Variants in SYN2 observed in about 807,000 individuals in gnomAD.
SYN2 encodes synapsin II.
In SYN2, 19 loss-of-function variants were observed where a neutral mutation model predicts 50.9. The observed-to-expected ratio is 0.37, with a 90% confidence interval of 0.26 to 0.55. SYN2 has a LOEUF of 0.55. Ranked by LOEUF, SYN2 falls within the 20% of genes least tolerant of loss-of-function variation. SYN2 has a pLI of 0.81. For synonymous variants in SYN2, 255 were observed against 224.9 expected, an observed-to-expected ratio of 1.13 and a Z score of -1.20; for missense variants, 587 against 576.4, an observed-to-expected ratio of 1.02 and a Z score of -0.19.
chr3:12,106,972 A>G lies in SYN2; in HGVS notation c.378-33679A>G, dbSNP rs112253409. ...AAAGAAAGGATCACTAGACTAGGAGATAAAAGTTGGATTCAGATCTTGGCA... is the reference window on the plus strand; with the variant it reads ...AAAGAAAGGATCACTAGACTAGGAGGTAAAAGTTGGATTCAGATCTTGGCA... On this transcript the variant is annotated intron_variant, in intron 1 of 12. Coordinates refer to ENST00000621198, the MANE Select transcript of SYN2 (RefSeq NM_133625.6). Among the ~76,000 whole-genome samples, 1,364 of 151,576 alleles carry G rather than the reference A, an allele frequency of 9.0e-3. 11 individuals carry two copies. The highest frequency in any genetic ancestry group is 0.012 in the Non-Finnish European group (832 of 67,922).
chr3:12,115,923 T>C (rs944982816), intron 1 of SYN2, among the ~76,000 whole-genome samples: 3 of 152,112 alleles, frequency 2.0e-5, no homozygotes, highest in Non-Finnish European at 4.4e-5. Context: ...ATATAATAGG[T>C]TTTCAAAAAT....
chr3:12,180,641 A>G (rs1161971840), intron 10 of SYN2, among the ~76,000 whole-genome samples: 2 of 152,138 alleles, frequency 1.3e-5, no homozygotes, highest in Non-Finnish European at 2.9e-5. Context: ...GCCCCTGAGA[A>G]GTCTTCCATA....
chr3:12,015,617 A>G (rs1050307725), intron 1 of SYN2, among the ~76,000 whole-genome samples: 1 of 152,198 alleles, frequency 6.6e-6, no homozygotes, highest in Non-Finnish European at 1.5e-5. Flanking sequence ...TTGTTACTGG[A>G]TTAGAATTTC....
intron 1 of SYN2, among the ~76,000 whole-genome samples, chr3:12,085,038 C>T (rs1695662379): frequency 6.6e-6 from 1 of 151,270 alleles, no homozygotes; most frequent in African/African-American, 2.4e-5. Context: ...AAGTCCTTAC[C>T]TAATAATAAT....
chr3:12,051,738 A>G (rs893065633), intron 1 of SYN2, among the ~76,000 whole-genome samples: 16 of 152,208 alleles, frequency 1.1e-4, no homozygotes, highest in African/African-American at 3.9e-4. Context: ...ACCAGAGGAA[A>G]TATTCCTTAA....
At chr3:12,042,970 T>C (rs1160650967) in intron 1 of SYN2, among the ~76,000 whole-genome samples, 4 of 151,836 alleles carry the variant, frequency 2.6e-5, no homozygotes, top group African/African-American at 9.7e-5. Flanking sequence ...GACTTCTGGC[T>C]TCTAAAACCG....
At position 12,141,936 on chromosome 3, in the gene SYN2, A is replaced by C; in HGVS notation, c.467A>C (p.His156Pro). Residue 156 changes from histidine (H) to proline (P), a missense_variant, in exon 3 of 13, where the codon CAT (histidine) becomes CCT (proline). By Grantham distance (77) the His-to-Pro change is moderately conservative (BLOSUM62 -2). Transcript: ENST00000621198. ...AEFSELNLVA[H>P]ADGTYAVDMQ... ...TTTTCAGAGCTCAACCTGGTGGCCC[A>C]TGCAGATGGCACCTATGCTGTGGAT... is the stretch of plus-strand genomic sequence containing the variant. The C allele has an allele frequency of 1.3e-6, 1 of 780,860 alleles. No individual in the cohort carries two copies. Among genetic ancestry groups the C allele is most frequent in the Non-Finnish European group, 2.4e-6 (1 of 417,950 alleles). 48.4% of individuals were successfully genotyped at this position (780,860 alleles called of 1,614,324 possible).
intron 1 of SYN2, among the ~76,000 whole-genome samples, chr3:12,099,281 A>G (rs1349435103): frequency 6.6e-6 from 1 of 152,204 alleles, no homozygotes; most frequent in East Asian, 1.9e-4. Context: ...GGCACATGGA[A>G]CATTCTTTAA....
intron 1 of SYN2, among the ~76,000 whole-genome samples, chr3:12,117,790 A>G (rs2125199812): frequency 6.6e-6 from 1 of 152,318 alleles, no homozygotes; most frequent in South Asian, 2.1e-4. Flanking sequence ...CCTGCCCTGA[A>G]GTTGGCAGCA....
intron 1 of SYN2, among the ~76,000 whole-genome samples, chr3:12,039,241 G>C (rs1345000337): frequency 6.6e-6 from 1 of 151,994 alleles, no homozygotes; most frequent in Non-Finnish European, 1.5e-5. Flanking sequence ...TGTATTCCTG[G>C]AATAAATCTC....
At chr3:12,077,942 G>A (rs1047766225) in intron 1 of SYN2, among the ~76,000 whole-genome samples, 1 of 152,166 alleles carries the variant, frequency 6.6e-6, no homozygotes, top group Non-Finnish European at 1.5e-5. Context: ...CACCAACAGT[G>A]TAAAAGTGTT....
rs543264854 is a variant in SYN2 at position 12,007,933 on chromosome 3, C to A, written c.377+3005C>A. Among the ~76,000 whole-genome samples, 5 of 152,178 alleles carry A rather than the reference C, an allele frequency of 3.3e-5. No individual in the cohort carries two copies. The East Asian group carries it at 5.8e-4, about 18-fold the overall frequency. On this transcript the variant is annotated intron_variant, in intron 1 of 12. Coordinates refer to ENST00000621198, the MANE Select transcript of SYN2 (RefSeq NM_133625.6). Reference sequence around the variant, plus strand: ...TTAGATTAATCGCACACTAAAAGATCGTTGAAAAATTTATCTGTGCCATTA... The same window carrying A: ...TTAGATTAATCGCACACTAAAAGATAGTTGAAAAATTTATCTGTGCCATTA...
intron 1 of SYN2, chr3:12,071,171 G>A (rs1405453730): frequency 3.6e-6 from 2 of 551,736 alleles, no homozygotes; most frequent in Non-Finnish European, 7.3e-6. Flanking sequence ...ATCACCAACA[G>A]GATGCAGAAG....
intron 1 of SYN2, among the ~76,000 whole-genome samples, chr3:12,093,152 A>G (rs1695864151): frequency 6.6e-6 from 1 of 152,200 alleles, no homozygotes; most frequent in African/African-American, 2.4e-5. Flanking sequence ...CAGAATCTCT[A>G]CTGAATGGGG....
At chr3:12,180,688 C>G (rs573232395) in intron 10 of SYN2, among the ~76,000 whole-genome samples, 13 of 152,230 alleles carry the variant, frequency 8.5e-5, no homozygotes, top group Middle Eastern at 3.4e-3. Context: ...GAGAAGCTTC[C>G]TAGGCGCCAT....
chr3:12,182,095 A>G (rs1428157272), intron 10 of SYN2, among the ~76,000 whole-genome samples: 1 of 152,230 alleles, frequency 6.6e-6, no homozygotes, highest in Non-Finnish European at 1.5e-5. Context: ...TAATGAGGTT[A>G]AAAGACTGTG....
chr3:12,053,318 G>T (rs1193036337), intron 1 of SYN2, among the ~76,000 whole-genome samples: 1 of 152,156 alleles, frequency 6.6e-6, no homozygotes, highest in African/African-American at 2.4e-5. Flanking sequence ...CTACTCAGGA[G>T]GCTGAGGCAG....
At chr3:12,130,221 T>TA (rs1559432114) in intron 1 of SYN2, among the ~76,000 whole-genome samples, 2 of 137,190 alleles carry the variant, frequency 1.5e-5, no homozygotes, top group Non-Finnish European at 3.2e-5. Flanking sequence ...GAGAGATGTG[T>TA]ATGCATCTCT....
rs375701124 is a variant in SYN2 at position 12,187,602 on chromosome 3, C to A, written c.1603C>A (p.Pro535Thr). The A allele has an allele frequency of 5.2e-6, 8 of 1,548,870 alleles. No individual in the cohort carries two copies. In the African/African-American group the frequency reaches 8.2e-5, roughly 16 times the overall value. Residue 535 changes from proline (P) to threonine (T), a missense_variant, in exon 12 of 13, where the codon CCA becomes ACA. Physicochemically the swap from Pro to Thr is conservative, Grantham distance 38. Coordinates refer to ENST00000621198, the MANE Select transcript of SYN2 (RefSeq NM_133625.6). Reference protein sequence around the residue: ...AAPPQKPQPHPQLNKSQSLTN... With the variant: ...AAPPQKPQPHTQLNKSQSLTN... ...TCCACCACAGAAGCCCCAGCCTCAC[C>A]CACAGCTCAAGTAAGAGACAACTCA...
Sources: gnomAD v4.1 joint callset for allele counts (sites outside exome capture counted in the v4.1 genomes callset) on GRCh38, gnomAD v4.1.1 for gene constraint, MANE v1.5 for transcripts, NCBI Gene and HGNC (gene_info 2026-07-23, HGNC 2026-07-21) for gene names.